Variants in MTR observed in about 807,000 individuals in gnomAD.
MTR encodes the protein 5-methyltetrahydrofolate-homocysteine methyltransferase.
MTR carries 84 observed loss-of-function variants against 154.8 expected under a neutral mutation model. The ratio of observed to expected loss-of-function variants is 0.54; its 90% CI spans 0.45 to 0.65. The LOEUF (loss-of-function observed/expected upper bound fraction) is 0.65, where lower values mean the gene tolerates loss of function less well. MTR is among the 30% of genes least tolerant of loss of function. The pLI, the probability that MTR is intolerant of heterozygous loss-of-function variation, is 0.00. For missense variants in MTR, 1,275 were observed against 1,570.2 expected, an observed-to-expected ratio of 0.81 and a Z score of 3.18; for synonymous variants, 554 against 553.9, an observed-to-expected ratio of 1.00 and a Z score of 0.00.
chr1:236,840,159 A>G (rs1663147992), intron 15 of MTR, among the ~76,000 whole-genome samples: 1 of 152,224 alleles, frequency 6.6e-6, no homozygotes, highest in Non-Finnish European at 1.5e-5. Context: ...TGAAAGATAC[A>G]TTTTCTTCAT....
intron 15 of MTR, among the ~76,000 whole-genome samples, chr1:236,849,128 A>G (rs552891655): frequency 1.3e-5 from 2 of 152,348 alleles, no homozygotes; most frequent in East Asian, 3.9e-4. Flanking sequence ...ATAATTCAGG[A>G]TGTAATTTGG....
At chr1:236,807,124 T>C (rs1661030431) in intron 3 of MTR, among the ~76,000 whole-genome samples, 2 of 152,188 alleles carry the variant, frequency 1.3e-5, no homozygotes, top group Non-Finnish European at 2.9e-5. Flanking sequence ...TTAGATGATA[T>C]GGTAATTCTG....
intron 5 of MTR, among the ~76,000 whole-genome samples, 163 bp downstream of exon 5, chr1:236,810,758 T>A (rs1661255837): frequency 6.6e-6 from 1 of 152,210 alleles, no homozygotes; most frequent in Admixed American, 6.5e-5. Context: ...ATAGTAGACA[T>A]CTAAATAGAA....
chr1:236,844,431 G>GAAATA (rs1160629909), intron 15 of MTR, among the ~76,000 whole-genome samples: 2 of 150,728 alleles, frequency 1.3e-5, no homozygotes, highest in African/African-American at 4.9e-5. Context: ...AACCAGGGGG[G>GAAATA]AAATACGAGG....
At chr1:236,895,716 G>A (rs1572350270) in intron 31 of MTR, among the ~76,000 whole-genome samples, 166 bp downstream of exon 31, 1 of 152,078 alleles carries the variant, frequency 6.6e-6, no homozygotes, top group East Asian at 1.9e-4. Context: ...TTTTACTTCA[G>A]TATTACTGAT....
chr1:236,893,167 T>C lies in MTR; in HGVS notation c.3205-1190T>C, dbSNP rs77157035. Among the ~76,000 whole-genome samples, 504 of 152,274 alleles carry C rather than the reference T, an allele frequency of 3.3e-3. 26 individuals carry two copies. The East Asian group carries it at 0.089, about 27-fold the overall frequency. On this transcript the variant is annotated intron_variant, in intron 29 of 32. Transcript: ENST00000366577. Reference sequence around the variant, plus strand: ...AAGCTTTGGGTCCCCCTCTGGCCTTTGTTAGCAAAGAATAATTGATGGGCC... The same window carrying C: ...AAGCTTTGGGTCCCCCTCTGGCCTTCGTTAGCAAAGAATAATTGATGGGCC...
rs1193888384 is a variant in MTR, at chr1:236,795,525, C to T, written c.-179C>T. 6.5e-7 allele frequency: 1 copy of T among 1,528,742 alleles called. No individual in the cohort carries two copies. The highest frequency in any genetic ancestry group is 1.4e-5 in the African/African-American group (1 of 72,872). The allele number at this position is 1,528,742 out of a possible 1,614,324, so 94.7% of individuals were successfully genotyped here. A position where few individuals can be genotyped will look rare whatever the true frequency, so the allele number is the denominator to read the frequency against. On this transcript the variant is annotated 5_prime_UTR_variant, in exon 1 of 33. Coordinates refer to ENST00000366577, the MANE Select transcript of MTR (RefSeq NM_000254.3). ...CAGCCCCGAGAGAGGCCCTAGGGCG[C>T]TGCGGGCTTTCGGGGTCCGCAGTCC...
chr1:236,900,417 AAG>A lies in MTR; in HGVS notation c.*2775_*2776del, dbSNP rs1553332314. ...CAATAAAACTATGCTATTAAAAAAA[AAG>A]AAGGTAACTGATAAACCAAAATTGA... On this transcript the variant is annotated 3_prime_UTR_variant, in exon 33 of 33. Transcript: ENST00000366577. 0.28 allele frequency: 43,494 copies of A among 154,860 alleles called. 7,421 individuals are homozygous for A. Among genetic ancestry groups the A allele is most frequent in the Non-Finnish European group, 0.37 (26,076 of 69,998 alleles). 9.6% of individuals were successfully genotyped at this position (154,860 alleles called of 1,614,324 possible). A position where few individuals can be genotyped will look rare whatever the true frequency, so the allele number is the denominator to read the frequency against.
chr1:236,807,463 C>T (rs546735215), intron 3 of MTR, among the ~76,000 whole-genome samples: 5 of 152,256 alleles, frequency 3.3e-5, no homozygotes, highest in Admixed American at 3.3e-4. Context: ...TGTGAGCCAC[C>T]GCGCCTGGCC....
intron 3 of MTR, 53 bp from the exon 4 acceptor site, chr1:236,808,651 T>C: frequency 1.3e-6 from 2 of 1,525,330 alleles, no homozygotes; most frequent in South Asian, 2.2e-5. Context: ...AATCCATTAT[T>C]TATTGTGCGG....
chr1:236,829,282 AC>A lies in MTR; in HGVS notation c.1075+16del. The A allele has an allele frequency of 6.2e-7, 1 of 1,604,184 alleles. No individual in the cohort carries two copies. The highest frequency in any genetic ancestry group is 8.5e-7 in the Non-Finnish European group (1 of 1,171,038). On this transcript the variant is annotated intron_variant, in intron 12 of 32. Coordinates refer to ENST00000366577, the MANE Select transcript of MTR (RefSeq NM_000254.3). ...TGTTACTGTCTGGTGAGTCATAAAG[AC>A]CTGGTATTCCTGATTGCAGAAACCA...
At chr1:236,819,766 A>T in intron 8 of MTR, 1 of 755,096 alleles carries the variant, frequency 1.3e-6, no homozygotes, top group Admixed American at 1.7e-5. Flanking sequence ...AGGAAAAATG[A>T]TGGGATCTAC....
intron 29 of MTR, among the ~76,000 whole-genome samples, chr1:236,893,076 G>A (rs1033580775): frequency 6.6e-6 from 1 of 152,128 alleles, no homozygotes; most frequent in Non-Finnish European, 1.5e-5. Context: ...TTCTGAGTAG[G>A]CTCTGATTGC....
At chr1:236,824,089 G>A (rs752423576) in intron 8 of MTR, 30 bp from the exon 9 acceptor site, 54 of 1,542,270 alleles carry the variant, frequency 3.5e-5, no homozygotes, top group Non-Finnish European at 4.6e-5. Context: ...GAGAGATGAT[G>A]CTTTTAATAT....
chr1:236,868,663 A>G (rs1007971369), intron 22 of MTR, among the ~76,000 whole-genome samples: 1 of 152,252 alleles, frequency 6.6e-6, no homozygotes, highest in African/African-American at 2.4e-5. Context: ...ACGCTATTTC[A>G]TGATACATTT....
intron 13 of MTR, among the ~76,000 whole-genome samples, chr1:236,832,417 G>T (rs1662662857): frequency 1.3e-5 from 2 of 152,198 alleles, no homozygotes; most frequent in South Asian, 4.1e-4. Context: ...TCCTTCTAGG[G>T]AAAGGGAAAG....
At chr1:236,826,150 T>C (rs993466905) in intron 10 of MTR, among the ~76,000 whole-genome samples, 2 of 152,206 alleles carry the variant, frequency 1.3e-5, no homozygotes, top group Admixed American at 6.5e-5. Flanking sequence ...TGAATTGTTA[T>C]TTAAACATTT....
In MTR at chr1:236,811,410, G is replaced by T. The variant is rs181133687; in HGVS notation, c.502+815G>T. ...TATTGAGATCTGACAAAACATCCAA[G>T]TATCTAGGTCAATTTCTAAGCATCA... On this transcript the variant is annotated intron_variant, in intron 5 of 32. Transcript: ENST00000366577. Among the ~76,000 whole-genome samples, 2 of 152,244 alleles carry T rather than the reference G, an allele frequency of 1.3e-5. 1 individual carries two copies. The highest frequency in any genetic ancestry group is 3.9e-4 in the East Asian group (2 of 5,188).
At chr1:236,879,920 G>A (rs565759886) in intron 24 of MTR, among the ~76,000 whole-genome samples, 45 of 152,096 alleles carry the variant, frequency 3.0e-4, no homozygotes, top group African/African-American at 8.7e-4. Flanking sequence ...TTGGGAAGCC[G>A]AGGCAGGTGG....
Sources: gnomAD v4.1 joint callset for allele counts (sites outside exome capture counted in the v4.1 genomes callset) on GRCh38, gnomAD v4.1.1 for gene constraint, MANE v1.5 for transcripts, NCBI Gene and HGNC (gene_info 2026-07-23, HGNC 2026-07-21) for gene names.